The following CACNA1C variants were observed in gnomAD, a reference collection of about 807,000 sequenced individuals.
The protein encoded by CACNA1C is voltage-dependent L-type calcium channel subunit alpha-1C.
A neutral mutation model predicts 229.0 loss-of-function variants in CACNA1C; 30 were observed. The ratio of observed to expected loss-of-function variants is 0.13; its 90% CI spans 0.10 to 0.18. The LOEUF is 0.18. Ranked by LOEUF, CACNA1C falls within the 10% of genes least tolerant of loss-of-function variation. CACNA1C has a pLI of 1.00. For missense variants in CACNA1C, 1,658 were observed against 2,845.0 expected (o/e 0.58, Z 9.49); for synonymous variants, 1,114 against 1,132.5 (o/e 0.98, Z 0.33).
At chr12:2,315,275 C>T (rs1353144323) in intron 3 of CACNA1C, among the ~76,000 whole-genome samples, 1 of 152,184 alleles carries the variant, frequency 6.6e-6, no homozygotes, top group Non-Finnish European at 1.5e-5. Context: ...AGCTCCCTGA[C>T]ATTCATTGAT....
intron 34 of CACNA1C, chr12:2,660,453 G>A (rs1420258958): frequency 6.5e-6 from 1 of 153,652 alleles, no homozygotes; most frequent in Non-Finnish European, 1.5e-5. Flanking sequence ...AAGCACCCAA[G>A]ACTCGGCATC....
chr12:2,110,936 TACCTGTCTCACCCGAGAGGCCAC>T (rs765682569), intron 1 of CACNA1C, among the ~76,000 whole-genome samples: 1,147 of 97,742 alleles, frequency 0.012, 6 homozygotes, highest in African/African-American at 0.033. Context: ...CGAGAGGCCA[TACCTGTCTCACCCGAGAGGCCAC>T]ACCTGTCTCA....
intron 1 of CACNA1C, among the ~76,000 whole-genome samples, chr12:2,047,055 C>G (rs1404719437): frequency 6.6e-6 from 1 of 152,228 alleles, no homozygotes; most frequent in African/African-American, 2.4e-5. Flanking sequence ...CTCCTCCATT[C>G]TAGTTCTAGT....
intron 3 of CACNA1C, among the ~76,000 whole-genome samples, chr12:2,377,011 G>A (rs761014456): frequency 1.8e-4 from 27 of 152,250 alleles, no homozygotes; most frequent in East Asian, 9.7e-4. Context: ...GTGCTCTGCC[G>A]CCATCCTCTG....
At chr12:2,533,249 G>T (rs2099845250) in intron 9 of CACNA1C, among the ~76,000 whole-genome samples, 1 of 152,204 alleles carries the variant, frequency 6.6e-6, no homozygotes, top group African/African-American at 2.4e-5. Flanking sequence ...TGCCCCAGCT[G>T]CTGTGGGCAT....
intron 7 of CACNA1C, among the ~76,000 whole-genome samples, chr12:2,500,806 C>T (rs977973449): frequency 6.6e-6 from 1 of 152,140 alleles, no homozygotes; most frequent in African/African-American, 2.4e-5. Context: ...AGGGTGCCGG[C>T]GTGCCCTCGA....
chr12:2,051,394 C>G (rs1337160325), upstream of CACNA1C, among the ~76,000 whole-genome samples: 1 of 152,188 alleles, frequency 6.6e-6, no homozygotes, highest in African/African-American at 2.4e-5. Context: ...AGGACCATGG[C>G]TTTTACTAAG....
chr12:2,031,016 G>A (rs1423394510), intron 1 of CACNA1C, among the ~76,000 whole-genome samples: 2 of 146,704 alleles, frequency 1.4e-5, no homozygotes, highest in Admixed American at 1.3e-4. Context: ...TAGAAGGCAA[G>A]ACAGGTCTCT....
intron 3 of CACNA1C, among the ~76,000 whole-genome samples, chr12:2,342,324 A>G (rs891107103): frequency 6.6e-6 from 1 of 152,154 alleles, no homozygotes; most frequent in African/African-American, 2.4e-5. Context: ...CACTTATAAT[A>G]TAAAGGGAGT....
Position 2,653,864 on chromosome 12 carries a change from G to A in CACNA1C, c.4104G>A (p.Val1368=). ...TGCCCTATGTGGCCCTCCTGATCGTGATGCTGTTCTTCATCTACGCGGTGA... is the reference window on the plus strand; with the variant it reads ...TGCCCTATGTGGCCCTCCTGATCGTAATGCTGTTCTTCATCTACGCGGTGA... ...QALPYVALLI[V]MLFFIYAVIG... The change falls in exon 33 of 47, where the codon GTG becomes GTA. Residue 1368 remains valine (V), a synonymous_variant. Transcript: ENST00000399655. This position sits in a 1 kb window ranked among gnomAD's most constrained non-coding sequence, Gnocchi z 4.7. 1.2e-6 allele frequency: 2 copies of A among 1,613,928 alleles called. No individual in the cohort carries two copies. Among genetic ancestry groups the A allele is most frequent in the Non-Finnish European group, 1.7e-6 (2 of 1,179,886 alleles).
chr12:2,005,454 A>G (rs745345208), intron 1 of CACNA1C, among the ~76,000 whole-genome samples: 15 of 152,248 alleles, frequency 9.9e-5, no homozygotes, highest in Non-Finnish European at 1.6e-4. Context: ...GGTACTTGAC[A>G]GACATTTTTC....
In CACNA1C at chr12:2,268,173, T is replaced by C. The variant is rs150613441; in HGVS notation, c.477+147743T>C. Among the ~76,000 whole-genome samples the C allele has an allele frequency of 4.5e-3, 690 of 152,222 alleles. 7 individuals are homozygous for C. Among genetic ancestry groups the C allele is most frequent in the African/African-American group, 0.016 (667 of 41,526 alleles). ...AAACATTTTCACTTCAGGTGGTTTC[T>C]GAAAGAGGGAAAGACTGAGGGGAAA... On this transcript the variant is annotated intron_variant, in intron 3 of 46. Coordinates refer to ENST00000399655, the MANE Select transcript of CACNA1C (RefSeq NM_000719.7).
At chr12:1,984,815 T>G (rs2037212859) in intron 1 of CACNA1C, among the ~76,000 whole-genome samples, 1 of 151,514 alleles carries the variant, frequency 6.6e-6, no homozygotes, top group Non-Finnish European at 1.5e-5. Context: ...TCTTTTTATG[T>G]TTCCTTTATC....
intron 3 of CACNA1C, among the ~76,000 whole-genome samples, chr12:2,159,230 A>G (rs2095709063): frequency 6.6e-6 from 1 of 152,146 alleles, no homozygotes; most frequent in Non-Finnish European, 1.5e-5. Flanking sequence ...ATGGTGGCTC[A>G]TGCCTGTAAT....
At chr12:1,993,265 T>A in intron 1 of CACNA1C, 1 of 1,614,112 alleles carries the variant, frequency 6.2e-7, no homozygotes. Flanking sequence ...AAGACTCACA[T>A]CTGGCATTTC....
intron 3 of CACNA1C, among the ~76,000 whole-genome samples, chr12:2,253,061 C>T (rs2076183895): frequency 6.6e-6 from 1 of 152,184 alleles, no homozygotes; most frequent in Non-Finnish European, 1.5e-5. Flanking sequence ...TCTCTTTATG[C>T]CCTTGTCCCC....
chr12:2,043,470 G>A (rs555504843), intron 1 of CACNA1C, among the ~76,000 whole-genome samples: 2 of 152,008 alleles, frequency 1.3e-5, no homozygotes, highest in Non-Finnish European at 2.9e-5. Flanking sequence ...GGCAGGAGAG[G>A]GGAGAGACAG....
At chr12:1,972,339 C>T (rs1432073014) in intron 1 of CACNA1C, among the ~76,000 whole-genome samples, 1 of 152,180 alleles carries the variant, frequency 6.6e-6, no homozygotes, top group Non-Finnish European at 1.5e-5. Context: ...AGACTTCATT[C>T]AAATATAATG....
At position 2,348,093 on chromosome 12, in the gene CACNA1C, G is replaced by T. The variant is rs1441420043; in HGVS notation, c.478-100883G>T. On this transcript the variant is annotated intron_variant, in intron 3 of 46. Transcript: ENST00000399655. This position sits in a 1 kb window ranked among gnomAD's most constrained non-coding sequence, Gnocchi z 4.7. Reference sequence around the variant, plus strand: ...GAAACTGCAGTGAGGTGACTGTGCGGCAGGCCCACTCTCAACTCGAGGGGA... The same window carrying T: ...GAAACTGCAGTGAGGTGACTGTGCGTCAGGCCCACTCTCAACTCGAGGGGA... 6.6e-6 allele frequency among the ~76,000 whole-genome samples: 1 copy of T among 152,238 alleles called. No homozygotes were observed.
Sources: gnomAD v4.1 joint callset for allele counts (sites outside exome capture counted in the v4.1 genomes callset) on GRCh38, gnomAD v4.1.1 for gene constraint, Gnocchi (gnomAD v3.1) non-coding constraint, MANE v1.5 for transcripts, NCBI Gene and HGNC (gene_info 2026-07-23, HGNC 2026-07-21) for gene names.